Variants in ALCAM observed in about 807,000 individuals in gnomAD.
ALCAM encodes the protein CD166 antigen.
ALCAM carries 30 observed loss-of-function variants against 70.9 expected under a neutral mutation model. That is an observed-to-expected ratio of 0.42 (90% CI 0.32 to 0.57). The LOEUF is 0.57. Among genes scored for constraint, ALCAM ranks in the 20% least tolerant of loss-of-function variants. The pLI is 0.11. For missense variants in ALCAM, 591 were observed against 695.1 expected (o/e 0.85, Z 1.68); for synonymous variants, 249 against 242.5 (o/e 1.03, Z -0.25).
At chr3:105,428,739 G>C (rs901969739) in intron 1 of ALCAM, among the ~76,000 whole-genome samples, 15 of 151,894 alleles carry the variant, frequency 9.9e-5, no homozygotes, top group African/African-American at 3.6e-4. Context: ...AGCAAAGTTA[G>C]ATCAATACTA....
At chr3:105,487,577 G>A (rs1406674115) in intron 1 of ALCAM, among the ~76,000 whole-genome samples, 1 of 152,178 alleles carries the variant, frequency 6.6e-6, no homozygotes, top group Non-Finnish European at 1.5e-5. Context: ...TGTAGGAGAT[G>A]TCAAAATAGG....
At position 105,368,697 on chromosome 3, in the gene ALCAM, G is replaced by A. The variant is rs529880234; in HGVS notation, c.73+1216G>A. On this transcript the variant is annotated intron_variant, in intron 1 of 15. Transcript: ENST00000306107. ...GGAACTGGCGGGGAGAGGGGTTTGG[G>A]GGCCAGAGCCTGAGGAAGAGATTAC... Among the ~76,000 whole-genome samples, 11 of 152,218 alleles carry A rather than the reference G, an allele frequency of 7.2e-5. No individual in the cohort carries two copies. The East Asian group carries it at 2.1e-3, about 29-fold the overall frequency.
At chr3:105,512,257 T>C (rs1404831635) in intron 1 of ALCAM, among the ~76,000 whole-genome samples, 1 of 152,038 alleles carries the variant, frequency 6.6e-6, no homozygotes, top group Non-Finnish European at 1.5e-5. Context: ...AACTGTGAGT[T>C]CTTTCTGAAG....
intron 1 of ALCAM, among the ~76,000 whole-genome samples, chr3:105,507,554 C>T (rs951353891): frequency 2.0e-5 from 3 of 152,106 alleles, no homozygotes; most frequent in Admixed American, 6.6e-5. Context: ...TCTTTTACTT[C>T]GCAGTATGCA....
chr3:105,506,107 T>C (rs1939067653), intron 1 of ALCAM, among the ~76,000 whole-genome samples: 1 of 152,244 alleles, frequency 6.6e-6, no homozygotes, highest in Non-Finnish European at 1.5e-5. Context: ...TATGGATTTC[T>C]ACATAACAAA....
intron 14 of ALCAM, among the ~76,000 whole-genome samples, chr3:105,569,984 A>G (rs485593): frequency 0.97 from 147,174 of 152,204 alleles, 71,331 homozygotes; most frequent in East Asian, 1. Flanking sequence ...CTCCAACAAA[A>G]GTCAATAACC....
chr3:105,556,069 CTAT>C (rs1277870853), intron 14 of ALCAM, among the ~76,000 whole-genome samples: 1 of 151,974 alleles, frequency 6.6e-6, no homozygotes, highest in Non-Finnish European at 1.5e-5. Context: ...TTACCTTCTA[CTAT>C]GTTTTCCATT....
At chr3:105,404,846 C>T (rs981357103) in intron 1 of ALCAM, among the ~76,000 whole-genome samples, 6 of 152,156 alleles carry the variant, frequency 3.9e-5, no homozygotes, top group Non-Finnish European at 7.4e-5. Context: ...TCAGGAGACT[C>T]ACCTAACACA....
At chr3:105,536,376 G>A (rs1258194649) in intron 6 of ALCAM, among the ~76,000 whole-genome samples, 1 of 152,038 alleles carries the variant, frequency 6.6e-6, no homozygotes, top group Non-Finnish European at 1.5e-5. Flanking sequence ...TTACAGGTGT[G>A]AGCCACCAAG....
intron 1 of ALCAM, among the ~76,000 whole-genome samples, chr3:105,405,010 G>C (rs1186347589): frequency 6.6e-6 from 1 of 152,018 alleles, no homozygotes; most frequent in African/African-American, 2.4e-5. Flanking sequence ...CAGTGGGGTG[G>C]CTCATACCTG....
intron 1 of ALCAM, among the ~76,000 whole-genome samples, chr3:105,497,622 G>A (rs1157353019): frequency 2.0e-5 from 3 of 152,122 alleles, no homozygotes; most frequent in African/African-American, 4.8e-5. Context: ...TTGTCCTGCT[G>A]TCATGGTAAG....
chr3:105,506,068 C>G (rs1007858449), intron 1 of ALCAM, among the ~76,000 whole-genome samples: 5 of 152,014 alleles, frequency 3.3e-5, no homozygotes, highest in Non-Finnish European at 7.4e-5. Flanking sequence ...TTGAACAGCT[C>G]CCTGTTTTTA....
At chr3:105,467,704 G>A (rs1469382370) in intron 1 of ALCAM, among the ~76,000 whole-genome samples, 1 of 151,174 alleles carries the variant, frequency 6.6e-6, no homozygotes. Context: ...TTTCATGTTG[G>A]TTCTTACTGA....
intron 1 of ALCAM, among the ~76,000 whole-genome samples, chr3:105,510,404 A>C (rs1308459517): frequency 6.6e-6 from 1 of 152,146 alleles, no homozygotes; most frequent in Admixed American, 6.6e-5. Context: ...ACCTTAGCAC[A>C]AATCTGGTAA....
At chr3:105,536,610 T>C (rs1576228430) in intron 6 of ALCAM, among the ~76,000 whole-genome samples, 1 of 152,226 alleles carries the variant, frequency 6.6e-6, no homozygotes, top group Non-Finnish European at 1.5e-5. Context: ...ATGCTGGCTG[T>C]GTAAGGTGCA....
chr3:105,541,945 T>C (rs971492151), intron 8 of ALCAM, among the ~76,000 whole-genome samples, 180 bp downstream of exon 8: 1 of 151,964 alleles, frequency 6.6e-6, no homozygotes, highest in African/African-American at 2.4e-5. Context: ...ACTGCAATAT[T>C]GAAACCTTGC....
At chr3:105,570,722 G>A (rs1291289930) in intron 14 of ALCAM, among the ~76,000 whole-genome samples, 1 of 152,178 alleles carries the variant, frequency 6.6e-6, no homozygotes, top group Non-Finnish European at 1.5e-5. Context: ...ATAATCATAT[G>A]CACCATTATA....
At chr3:105,385,568 A>G (rs1935631917) in intron 1 of ALCAM, among the ~76,000 whole-genome samples, 1 of 151,674 alleles carries the variant, frequency 6.6e-6, no homozygotes, top group South Asian at 2.1e-4. Flanking sequence ...CCAAATTTGA[A>G]TCTCTTCTCG....
chr3:105,477,212 C>T (rs1040773053), intron 1 of ALCAM, among the ~76,000 whole-genome samples: 15 of 151,982 alleles, frequency 9.9e-5, no homozygotes, highest in Admixed American at 6.6e-4. Flanking sequence ...GGAAAATTCC[C>T]TTTTATATTT....
Sources: allele counts gnomAD v4.1 joint callset (sites outside exome capture counted in the v4.1 genomes callset), GRCh38; gene constraint gnomAD v4.1.1; transcripts MANE v1.5; gene names NCBI Gene and HGNC (gene_info 2026-07-23, HGNC 2026-07-21).